The following CAMK2D variants were observed in gnomAD, a reference collection of about 807,000 sequenced individuals.
The protein encoded by CAMK2D is calcium/calmodulin dependent protein kinase II delta, also known as calcium/calmodulin-dependent protein kinase type II subunit delta.
A neutral mutation model predicts 84.0 loss-of-function variants in CAMK2D; 37 were observed. The ratio of observed to expected loss-of-function variants is 0.44; its 90% CI spans 0.34 to 0.58. The LOEUF (loss-of-function observed/expected upper bound fraction) is 0.58, where lower values mean the gene tolerates loss of function less well. Among genes scored for constraint, CAMK2D ranks in the 20% least tolerant of loss-of-function variants. The pLI, the probability that CAMK2D is intolerant of heterozygous loss-of-function variation, is 0.02. For synonymous variants in CAMK2D, 202 were observed against 212.5 expected (o/e 0.95, Z 0.43); for missense variants, 448 against 652.5 (o/e 0.69, Z 3.41).
intron 2 of CAMK2D, among the ~76,000 whole-genome samples, chr4:113,668,649 C>T (rs1472959538): frequency 6.6e-6 from 1 of 151,954 alleles, no homozygotes; most frequent in Non-Finnish European, 1.5e-5. Context: ...TTATGCCCTC[C>T]AGGCCACCGA....
chr4:113,649,459 T>C (rs1159785951), intron 3 of CAMK2D, among the ~76,000 whole-genome samples: 1 of 152,196 alleles, frequency 6.6e-6, no homozygotes, highest in African/African-American at 2.4e-5. Flanking sequence ...CAAAGACTTT[T>C]AACTCTATTT....
intron 2 of CAMK2D, among the ~76,000 whole-genome samples, chr4:113,682,583 G>A (rs1022710665): frequency 1.3e-5 from 2 of 151,860 alleles, no homozygotes; most frequent in African/African-American, 4.8e-5. Context: ...TTATGAGTAG[G>A]CCATTTCTTC....
intron 16 of CAMK2D, among the ~76,000 whole-genome samples, chr4:113,475,035 A>T (rs1564487271): frequency 6.6e-6 from 1 of 152,260 alleles, no homozygotes; most frequent in Non-Finnish European, 1.5e-5. Context: ...AAAATCCTTT[A>T]CAGTCATGAT....
At chr4:113,488,495 A>G (rs2097788188) in intron 16 of CAMK2D, among the ~76,000 whole-genome samples, 1 of 152,208 alleles carries the variant, frequency 6.6e-6, no homozygotes, top group Non-Finnish European at 1.5e-5. Flanking sequence ...AACAGTAGGT[A>G]TAAGTGGGTA....
chr4:113,557,824 T>C (rs1404976725), intron 4 of CAMK2D, among the ~76,000 whole-genome samples: 1 of 152,202 alleles, frequency 6.6e-6, no homozygotes, highest in African/African-American at 2.4e-5. Flanking sequence ...TGAGTTGATA[T>C]AATAATGCAC....
intron 2 of CAMK2D, among the ~76,000 whole-genome samples, chr4:113,680,506 C>T (rs1281622675): frequency 6.6e-6 from 1 of 152,162 alleles, no homozygotes; most frequent in Non-Finnish European, 1.5e-5. Context: ...AATGGCCTAT[C>T]TCTATGTCTG....
chr4:113,599,225 A>AT (rs747513710), intron 4 of CAMK2D, among the ~76,000 whole-genome samples: 3 of 152,214 alleles, frequency 2.0e-5, no homozygotes, highest in Non-Finnish European at 2.9e-5. Flanking sequence ...AGGAACTCTC[A>AT]TTCATTGCTG....
chr4:113,566,260 T>C (rs993632894), intron 4 of CAMK2D, among the ~76,000 whole-genome samples: 2 of 152,232 alleles, frequency 1.3e-5, no homozygotes, highest in Non-Finnish European at 2.9e-5. Flanking sequence ...AAGCTCTGAA[T>C]GTTCAATTCT....
chr4:113,595,076 C>A (rs2098918075), intron 4 of CAMK2D, among the ~76,000 whole-genome samples: 1 of 151,878 alleles, frequency 6.6e-6, no homozygotes, highest in Non-Finnish European at 1.5e-5. Flanking sequence ...AAAATCTTTA[C>A]AAAGATTCTC....
At chr4:113,620,721 T>C (rs529930863) in intron 3 of CAMK2D, among the ~76,000 whole-genome samples, 1 of 152,210 alleles carries the variant, frequency 6.6e-6, no homozygotes, top group South Asian at 2.1e-4. Flanking sequence ...TTAGCCAGGA[T>C]AGTCTCGATC....
At chr4:113,582,449 C>T (rs28406647) in intron 4 of CAMK2D, among the ~76,000 whole-genome samples, 6,381 of 152,222 alleles carry the variant, frequency 0.042, 456 homozygotes, top group African/African-American at 0.15. Context: ...AAACACATAT[C>T]GTCGTGTAAC....
At chr4:113,685,128 T>A (rs2099355926) in intron 2 of CAMK2D, among the ~76,000 whole-genome samples, 1 of 152,148 alleles carries the variant, frequency 6.6e-6, no homozygotes, top group Admixed American at 6.5e-5. Flanking sequence ...GCAGCTCAAT[T>A]TTTCTCCTAG....
chr4:113,570,288 T>G (rs2098746262), intron 4 of CAMK2D, among the ~76,000 whole-genome samples: 1 of 152,132 alleles, frequency 6.6e-6, no homozygotes, highest in Admixed American at 6.5e-5. Flanking sequence ...ATACTAAAAT[T>G]TGTATGCAAC....
intron 7 of CAMK2D, among the ~76,000 whole-genome samples, chr4:113,535,749 A>G (rs2154186524): frequency 6.6e-6 from 1 of 152,306 alleles, no homozygotes; most frequent in South Asian, 2.1e-4. Context: ...TTCATCCTTT[A>G]GGCAACCATA....
At chr4:113,455,381 A>C (rs928706027) in intron 20 of CAMK2D, among the ~76,000 whole-genome samples, 3 of 152,194 alleles carry the variant, frequency 2.0e-5, no homozygotes, top group African/African-American at 7.2e-5. Context: ...AAAGGATTCT[A>C]AAGCTTAATA....
intron 2 of CAMK2D, among the ~76,000 whole-genome samples, chr4:113,680,687 C>G (rs185409001): frequency 6.6e-5 from 10 of 152,276 alleles, no homozygotes; most frequent in African/African-American, 2.4e-4. Flanking sequence ...CTGAGGCACA[C>G]AGAGGAGGAA....
chr4:113,631,818 A>G (rs2099090957), intron 3 of CAMK2D, among the ~76,000 whole-genome samples: 1 of 152,210 alleles, frequency 6.6e-6, no homozygotes, highest in African/African-American at 2.4e-5. Context: ...CGTCAACACT[A>G]AGTGAAGAAA....
chr4:113,663,041 G>C (rs1215614900), intron 2 of CAMK2D, among the ~76,000 whole-genome samples: 1 of 152,150 alleles, frequency 6.6e-6, no homozygotes, highest in African/African-American at 2.4e-5. Context: ...CTCTAACAGT[G>C]TATCTCCATT....
At position 113,511,944 on chromosome 4, in the gene CAMK2D, T is replaced by C. The variant is rs77728559; in HGVS notation, c.946+1384A>G. Among the ~76,000 whole-genome samples, 800 of 152,280 alleles carry C rather than the reference T, an allele frequency of 5.3e-3. 7 individuals are homozygous for C. The highest frequency in any genetic ancestry group is 0.018 in the African/African-American group (747 of 41,534). ...TGCAGTTGTAAATAATAACTAGATA[T>C]TGGTTGAAGAGCATTTAATAATGAT... On this transcript the variant is annotated intron_variant, in intron 12 of 20. Transcript: ENST00000511664.
Sources: gnomAD v4.1 joint callset for allele counts (sites outside exome capture counted in the v4.1 genomes callset) on GRCh38, gnomAD v4.1.1 for gene constraint, MANE v1.5 for transcripts, NCBI Gene and HGNC (gene_info 2026-07-23, HGNC 2026-07-21) for gene names.